Variants in NLGN1 observed in about 807,000 individuals in gnomAD.
NLGN1 encodes the protein neuroligin-1.
A neutral mutation model predicts 65.5 loss-of-function variants in NLGN1; 12 were observed. That is an observed-to-expected ratio of 0.18 (90% confidence interval 0.12 to 0.30). NLGN1 has a LOEUF of 0.30. NLGN1 is among the 10% of genes least tolerant of loss of function. NLGN1 has a pLI of 1.00. For missense variants in NLGN1, 750 were observed against 1,007.1 expected (o/e 0.74, Z 3.46); for synonymous variants, 350 against 359.5 (o/e 0.97, Z 0.30).
At chr3:173,400,693 C>T (rs1480307361) in intron 1 of NLGN1, among the ~76,000 whole-genome samples, 1 of 152,170 alleles carries the variant, frequency 6.6e-6, no homozygotes, top group Non-Finnish European at 1.5e-5. Context: ...GAGTAGCCCA[C>T]CTTTCACACT....
chr3:173,590,548 C>T (rs530409784), intron 2 of NLGN1, among the ~76,000 whole-genome samples: 32 of 152,180 alleles, frequency 2.1e-4, no homozygotes, highest in Non-Finnish European at 4.0e-4. Flanking sequence ...TTCTCTTCAT[C>T]GCCTAGAGAA....
intron 4 of NLGN1, among the ~76,000 whole-genome samples, chr3:174,144,759 G>A (rs535739519): frequency 1.3e-5 from 2 of 151,452 alleles, no homozygotes; most frequent in Admixed American, 1.3e-4. Flanking sequence ...TTTTTGATGG[G>A]GTCTTGTAAA....
intron 2 of NLGN1, among the ~76,000 whole-genome samples, chr3:173,441,668 C>T (rs1392045871): frequency 6.6e-6 from 1 of 152,102 alleles, no homozygotes; most frequent in Admixed American, 6.5e-5. Context: ...ACAATGGAAA[C>T]ATCAAAGATC....
At chr3:173,862,525 A>G (rs1053543589) in intron 4 of NLGN1, among the ~76,000 whole-genome samples, 10 of 149,976 alleles carry the variant, frequency 6.7e-5, no homozygotes, top group South Asian at 4.2e-4. Flanking sequence ...AAAAAAAAAA[A>G]AAAAAGAAAA....
intron 3 of NLGN1, among the ~76,000 whole-genome samples, chr3:173,622,586 G>GAAA (rs530414476): frequency 7.0e-6 from 1 of 143,394 alleles, no homozygotes; most frequent in African/African-American, 2.5e-5. Flanking sequence ...AAAAGAGGAG[G>GAAA]AAAAAAAAAA....
chr3:173,713,762 C>G (rs1175833562), intron 3 of NLGN1, among the ~76,000 whole-genome samples: 1 of 152,076 alleles, frequency 6.6e-6, no homozygotes, highest in Non-Finnish European at 1.5e-5. Flanking sequence ...TTATACCCAT[C>G]TGTACTCAAC....
intron 4 of NLGN1, among the ~76,000 whole-genome samples, chr3:174,265,867 T>TTTG (rs1748053224): frequency 6.8e-6 from 1 of 146,548 alleles, no homozygotes; most frequent in African/African-American, 2.5e-5. Context: ...TAAAGAGTAT[T>TTTG]TTGTTATAAT....
chr3:173,969,775 T>C (rs1197663814), intron 4 of NLGN1, among the ~76,000 whole-genome samples: 1 of 152,140 alleles, frequency 6.6e-6, no homozygotes, highest in Non-Finnish European at 1.5e-5. Context: ...TGATTTTTAT[T>C]GTCACTACTT....
chr3:174,255,866 C>T (rs1019247039), intron 4 of NLGN1, among the ~76,000 whole-genome samples: 1 of 151,890 alleles, frequency 6.6e-6, no homozygotes, highest in Non-Finnish European at 1.5e-5. Context: ...GCCATGTTAC[C>T]CAGGCTGGTC....
intron 2 of NLGN1, among the ~76,000 whole-genome samples, chr3:173,572,670 GC>G (rs1559985976): frequency 6.6e-6 from 1 of 152,174 alleles, no homozygotes; most frequent in African/African-American, 2.4e-5. Context: ...TCGAGCCAGT[GC>G]CCTTTCCCAG....
At chr3:173,842,228 C>T (rs910751723) in intron 4 of NLGN1, among the ~76,000 whole-genome samples, 11 of 152,184 alleles carry the variant, frequency 7.2e-5, no homozygotes, top group African/African-American at 2.4e-4. Context: ...ATTCAATCAC[C>T]TCCCACCAGG....
chr3:174,149,422 T>G lies in NLGN1; in HGVS notation c.647-125893T>G, dbSNP rs77809904. ...TTCTACATTTCAGCAGCCCACTTTT[T>G]CCCAAAGCTTTAATATTTCTCTGCT... On this transcript the variant is annotated intron_variant, in intron 4 of 6. Coordinates refer to ENST00000457714, the Ensembl canonical transcript of NLGN1. Among the ~76,000 whole-genome samples the G allele has an allele frequency of 5.4e-4, 82 of 152,228 alleles. No homozygotes were observed. The East Asian group carries it at 0.012, about 22-fold the overall frequency.
chr3:174,281,869 T>C (rs547573699), exon 7 of NLGN1: 2 of 152,674 alleles, frequency 1.3e-5, no homozygotes, highest in Admixed American at 6.6e-5. Context: ...ATAAGTGCTG[T>C]CAGTATAAAG....
chr3:174,087,860 T>A (rs2152561080), intron 4 of NLGN1, among the ~76,000 whole-genome samples: 1 of 152,354 alleles, frequency 6.6e-6, no homozygotes, highest in South Asian at 2.1e-4. Context: ...CAATTATGTA[T>A]CAGGGAAAGA....
At chr3:173,672,603 G>A (rs920922805) in intron 3 of NLGN1, among the ~76,000 whole-genome samples, 19 of 152,182 alleles carry the variant, frequency 1.2e-4, no homozygotes, top group African/African-American at 4.6e-4. Context: ...AACTTGAATG[G>A]GAGAGCCATG....
intron 4 of NLGN1, among the ~76,000 whole-genome samples, chr3:174,241,405 T>C (rs1742779436): frequency 6.6e-6 from 1 of 151,948 alleles, no homozygotes; most frequent in Non-Finnish European, 1.5e-5. Flanking sequence ...AGTAGAGATA[T>C]GGATGCCCAA....
At chr3:173,785,571 A>G (rs1781821641) in intron 3 of NLGN1, among the ~76,000 whole-genome samples, 1 of 152,168 alleles carries the variant, frequency 6.6e-6, no homozygotes, top group South Asian at 2.1e-4. Flanking sequence ...TTAAACCAAC[A>G]TGGTACAAAA....
At chr3:173,470,572 CT>C (rs1416642892) in intron 2 of NLGN1, among the ~76,000 whole-genome samples, 1 of 152,060 alleles carries the variant, frequency 6.6e-6, no homozygotes, top group East Asian at 1.9e-4. Context: ...CAATTTTCTT[CT>C]CTTTTCTTCT....
At chr3:174,283,504 A>AAAT (rs1191309155) in exon 7 of NLGN1, 1 of 151,488 alleles carries the variant, frequency 6.6e-6, no homozygotes, top group Non-Finnish European at 1.5e-5. Flanking sequence ...CATGGAATAC[A>AAAT]AATAACTAGG....
Sources: allele counts gnomAD v4.1 joint callset (sites outside exome capture counted in the v4.1 genomes callset), GRCh38; gene constraint gnomAD v4.1.1; transcripts MANE v1.5; gene names NCBI Gene and HGNC (gene_info 2026-07-23, HGNC 2026-07-21).